Variants in DACH2 observed in about 807,000 individuals in gnomAD.
DACH2 encodes dachshund homolog 2.
DACH2 carries 17 observed loss-of-function variants against 35.8 expected under a neutral mutation model. The ratio of observed to expected loss-of-function variants is 0.48; its 90% CI spans 0.33 to 0.71. DACH2 has a LOEUF of 0.71. Among genes scored for constraint, DACH2 ranks in the 30% least tolerant of loss-of-function variants. The probability of loss-of-function intolerance (pLI) is 0.02; values close to 1 mark genes in which losing one functional copy is unlikely to be tolerated. For synonymous variants in DACH2, 195 were observed against 177.3 expected (o/e 1.10, Z -0.79); for missense variants, 469 against 472.7 (o/e 0.99, Z 0.07).
At chrX:86,304,597 T>A (rs2034640005) in intron 1 of DACH2, 1 of 163,726 alleles carries the variant, frequency 6.1e-6, no homozygotes, top group Non-Finnish European at 1.3e-5. Context: ...TCTCTGACCA[T>A]CACATGGCCT....
At chrX:86,778,554 C>A (rs1482859824) in intron 7 of DACH2, among the ~76,000 whole-genome samples, 1 of 111,865 alleles carries the variant, frequency 8.9e-6, no homozygotes. Context: ...GAATACTATT[C>A]TCTGTAAATG....
At chrX:86,491,254 T>C (rs1410291303) in intron 2 of DACH2, among the ~76,000 whole-genome samples, 3 of 111,897 alleles carry the variant, frequency 2.7e-5, no homozygotes, top group Non-Finnish European at 3.8e-5. Context: ...CTCATGGACA[T>C]ACATTGTACA....
intron 3 of DACH2, among the ~76,000 whole-genome samples, chrX:86,562,809 C>T (rs1243097264): frequency 2.7e-5 from 3 of 111,604 alleles, no homozygotes; most frequent in Non-Finnish European, 5.7e-5. Context: ...CTAATGACTA[C>T]ATGATATGTT....
chrX:86,767,567 G>A (rs2041946960), intron 7 of DACH2, among the ~76,000 whole-genome samples: 1 of 111,774 alleles, frequency 8.9e-6, no homozygotes, highest in East Asian at 2.8e-4. Context: ...AGAGTGACAC[G>A]CTGATGTCAA....
intron 1 of DACH2, among the ~76,000 whole-genome samples, chrX:86,257,035 A>C (rs1285881951): frequency 8.9e-6 from 1 of 111,979 alleles, no homozygotes; most frequent in Non-Finnish European, 1.9e-5. Context: ...TAAGCTTTAC[A>C]CATTTCTGCA....
intron 1 of DACH2, among the ~76,000 whole-genome samples, chrX:86,179,901 C>A (rs1329568350): frequency 4.6e-5 from 5 of 108,668 alleles, no homozygotes; most frequent in Non-Finnish European, 7.7e-5. Context: ...CATGCAAACC[C>A]AGAACAAATA....
intron 3 of DACH2, among the ~76,000 whole-genome samples, chrX:86,627,895 AC>A (rs1704835483): frequency 8.9e-6 from 1 of 112,387 alleles, no homozygotes; most frequent in African/African-American, 3.2e-5. Flanking sequence ...ACAAAGGCAA[AC>A]ACTTTCAGTG....
At chrX:86,254,383 C>T (rs2033460095) in intron 1 of DACH2, among the ~76,000 whole-genome samples, 1 of 110,521 alleles carries the variant, frequency 9.0e-6, no homozygotes, top group Non-Finnish European at 1.9e-5. Flanking sequence ...TGTTTGTTAC[C>T]TTTCTAGAAA....
At chrX:86,301,036 G>A (rs192253934) in intron 1 of DACH2, among the ~76,000 whole-genome samples, 1 of 112,007 alleles carries the variant, frequency 8.9e-6, no homozygotes, top group South Asian at 3.6e-4. Flanking sequence ...AAGGGAAAAA[G>A]AATACAATGT....
At chrX:86,540,733 C>T (rs2038868614) in intron 3 of DACH2, among the ~76,000 whole-genome samples, 1 of 111,424 alleles carries the variant, frequency 9.0e-6, no homozygotes, top group African/African-American at 3.3e-5. Flanking sequence ...TAAATATTTG[C>T]TTTATGTTGT....
At position 86,372,752 on chromosome X, in the gene DACH2, T is replaced by C. The variant is rs748850543; in HGVS notation, c.489-4072T>C. ...TATTGCGTGTTGCTGAGGTTTGAGG[T>C]GTGAATGATCCTGTCACTCAGGTAG... On this transcript the variant is annotated intron_variant, in intron 1 of 11. Transcript: ENST00000373125. 6.4e-4 allele frequency among the ~76,000 whole-genome samples: 71 copies of C among 111,018 alleles called. 1 individual carries two copies. In the South Asian group the frequency reaches 0.024, roughly 37 times the overall value.
chrX:86,767,556 T>C (rs1432509168), intron 7 of DACH2, among the ~76,000 whole-genome samples: 2 of 112,101 alleles, frequency 1.8e-5, no homozygotes, highest in Non-Finnish European at 3.8e-5. Flanking sequence ...AACCAAATTA[T>C]AGAGTGACAC....
intron 1 of DACH2, among the ~76,000 whole-genome samples, chrX:86,338,901 A>G (rs2035365962): frequency 8.9e-6 from 1 of 112,402 alleles, no homozygotes; most frequent in African/African-American, 3.2e-5. Flanking sequence ...CTGATCCCAC[A>G]GAAATACAAA....
chrX:86,395,629 C>T (rs1195320882), intron 2 of DACH2, among the ~76,000 whole-genome samples: 2 of 110,787 alleles, frequency 1.8e-5, no homozygotes, highest in African/African-American at 3.3e-5. Flanking sequence ...TGAGTGAGAA[C>T]ATGCGGTGTT....
intron 1 of DACH2, among the ~76,000 whole-genome samples, chrX:86,248,393 C>T (rs890780316): frequency 1.8e-5 from 2 of 111,221 alleles, no homozygotes; most frequent in Non-Finnish European, 3.8e-5. Context: ...TTTTTATACA[C>T]TAACAACCTC....
At chrX:86,436,381 TATAGAG>T (rs2037068058) in intron 2 of DACH2, among the ~76,000 whole-genome samples, 1 of 69,814 alleles carries the variant, frequency 1.4e-5, no homozygotes, top group Admixed American at 1.9e-4. Context: ...TATATATATA[TATAGAG>T]AGAGAGAGAG....
At chrX:86,641,775 T>A (rs2040350016) in intron 3 of DACH2, among the ~76,000 whole-genome samples, 1 of 111,573 alleles carries the variant, frequency 9.0e-6, no homozygotes, top group Non-Finnish European at 1.9e-5. Context: ...ATCCTACAAG[T>A]CTTAAGAGAT....
intron 1 of DACH2, among the ~76,000 whole-genome samples, chrX:86,272,627 A>G (rs1044259715): frequency 3.6e-5 from 4 of 111,717 alleles, no homozygotes; most frequent in Admixed American, 2.9e-4. Context: ...AAATTTCAAA[A>G]CTAGTAACAT....
At chrX:86,803,648 G>A (rs1704603519) in intron 7 of DACH2, among the ~76,000 whole-genome samples, 1 of 110,655 alleles carries the variant, frequency 9.0e-6, no homozygotes, top group Non-Finnish European at 1.9e-5. Flanking sequence ...ATATGTTATA[G>A]ATAGACACAT....
Sources: gnomAD v4.1 joint callset for allele counts (sites outside exome capture counted in the v4.1 genomes callset) on GRCh38, gnomAD v4.1.1 for gene constraint, MANE v1.5 for transcripts, NCBI Gene and HGNC (gene_info 2026-07-23, HGNC 2026-07-21) for gene names.